TTLL4: variants seen among roughly 807,000 people sequenced by gnomAD.
The protein encoded by TTLL4 is tubulin tyrosine ligase like 4.
Under a neutral mutation model 122.7 loss-of-function variants are expected in TTLL4, and 85 were observed. That is an observed-to-expected ratio of 0.69 (90% CI 0.58 to 0.83). The LOEUF (loss-of-function observed/expected upper bound fraction) is 0.83, where lower values mean the gene tolerates loss of function less well. TTLL4 is among the 40% of genes least tolerant of loss of function. The pLI, the probability that TTLL4 is intolerant of heterozygous loss-of-function variation, is 0.00. For missense variants in TTLL4, 1,363 were observed against 1,488.6 expected (o/e 0.92, Z 1.39); for synonymous variants, 553 against 563.0 (o/e 0.98, Z 0.25).
Position 218,747,153 on chromosome 2 carries a change from G to T in TTLL4, c.2125G>T (p.Ala709Ser), listed in dbSNP as rs952476922. 6.2e-7 allele frequency: 1 copy of T among 1,614,244 alleles called. No individual in the cohort carries two copies. ...CCAGGACGCCAAGCTCCTGCGCAAA[G>T]CGTGGGAGAGCAGCAGCCGCCAAAA... ...LPQDAKLLRK[A>S]WESSSRQKWI... Residue 709 changes from alanine to serine, a missense_variant, in exon 9 of 20, where the codon GCG becomes TCG. By Grantham distance (99) the Ala-to-Ser change is moderately conservative. This residue lies in a region of TTLL4 where 596 missense variants were observed against 655.8 expected (regional missense o/e 0.91). Transcript: ENST00000392102. The surrounding 1 kb of genome is among the most constrained non-coding windows in gnomAD (Gnocchi z 4.7).
intron 13 of TTLL4, 149 bp downstream of exon 13, chr2:218,749,083 A>G: frequency 1.6e-6 from 2 of 1,255,428 alleles, no homozygotes; most frequent in Non-Finnish European, 2.2e-6. Context: ...GTTAAGTTCT[A>G]ATGAACCTCA....
At position 218,737,615 on chromosome 2, in the gene TTLL4, A is replaced by G. The variant is rs1488725726; in HGVS notation, c.-62A>G. 1 of 1,507,248 alleles carries G rather than the reference A, an allele frequency of 6.6e-7. No homozygotes were observed. Among genetic ancestry groups the G allele is most frequent in the Admixed American group, 2.2e-5 (1 of 45,068 alleles). 93.4% of individuals were successfully genotyped at this position (1,507,248 alleles called of 1,614,324 possible). A position where few individuals can be genotyped will look rare whatever the true frequency, so the allele number is the denominator to read the frequency against. On this transcript the variant is annotated 5_prime_UTR_variant, in exon 3 of 20. Coordinates refer to ENST00000392102, the MANE Select transcript of TTLL4 (RefSeq NM_014640.5). ...TCAAGGATGCAGCTGCTACTACCGG[A>G]GGTGTGTGGCACCTTACCTCAGCAA...
At chr2:218,718,100 C>G (rs779736360) in intron 1 of TTLL4, among the ~76,000 whole-genome samples, 4 of 152,162 alleles carry the variant, frequency 2.6e-5, no homozygotes, top group Non-Finnish European at 4.4e-5. Context: ...TCTAACATAA[C>G]TGTTGAGCAG....
chr2:218,715,173 C>T (rs1457178536), intron 1 of TTLL4, among the ~76,000 whole-genome samples: 1 of 152,140 alleles, frequency 6.6e-6, no homozygotes, highest in Admixed American at 6.5e-5. Context: ...TAATAGAAGA[C>T]AGCTGGATTT....
In TTLL4 at chr2:218,739,034, G is replaced by T. The variant is rs1942624659; in HGVS notation, c.1358G>T (p.Gly453Val). The stretch of plus-strand genomic sequence containing the variant: ...GCATTTGGAGAAGGCAAAGCTCCAG[G>T]TCCCCCTTTTCCTCAAACTCTTGGC... The part of the protein sequence containing the change: ...SSAFGEGKAP[G>V]PPFPQTLGIA... Residue 453 changes from glycine to valine, a missense_variant, in exon 3 of 20, where the codon GGT becomes GTT. By Grantham distance (109) the Gly-to-Val change is moderately radical (BLOSUM62 -3). Around this residue, in one of 3 missense-constraint regions of TTLL4, gnomAD observed 760 missense variants for 808.4 expected, o/e 0.94. Coordinates refer to ENST00000392102, the MANE Select transcript of TTLL4 (RefSeq NM_014640.5). 6.2e-7 allele frequency: 1 copy of T among 1,614,010 alleles called. No individual in the cohort carries two copies. Among genetic ancestry groups the T allele is most frequent in the African/African-American group, 1.3e-5 (1 of 74,890 alleles).
rs1224199255 is a variant in TTLL4 at position 218,747,476 on chromosome 2, CCT to C, written c.2249+105_2249+106del. 1.3e-6 allele frequency: 2 copies of C among 1,567,560 alleles called. No homozygotes were observed. The highest frequency in any genetic ancestry group is 2.7e-5 in the African/African-American group (2 of 73,410). ...CTTTGTTCTCCCAGCCAAAGAGCTT[CCT>C]TAGCCAACTGTTCTAAGGTCTTTAT... On this transcript the variant is annotated intron_variant, in intron 10 of 19. Transcript: ENST00000392102. This position sits in a 1 kb window ranked among gnomAD's most constrained non-coding sequence, Gnocchi z 4.7.
At chr2:218,751,470 C>T in intron 15 of TTLL4, 1 of 324,686 alleles carries the variant, frequency 3.1e-6, no homozygotes, top group Non-Finnish European at 4.4e-6. Context: ...TATTTTTTAT[C>T]ATTCAAATTC....
At chr2:218,755,587 G>A (rs897983895), downstream of TTLL4, among the ~76,000 whole-genome samples, 1 of 152,114 alleles carries the variant, frequency 6.6e-6, no homozygotes, top group Non-Finnish European at 1.5e-5. Context: ...TCCTAACCCT[G>A]CACTTAGTGG....
intron 19 of TTLL4, 27 bp downstream of exon 19, chr2:218,753,696 G>T: frequency 6.2e-7 from 1 of 1,611,362 alleles, no homozygotes; most frequent in Non-Finnish European, 8.5e-7. Context: ...CAAGGGAGGG[G>T]CTGCTGGCTG....
At chr2:218,729,748 T>TAAAAAA (rs771622464) in intron 2 of TTLL4, among the ~76,000 whole-genome samples, 935 of 78,458 alleles carry the variant, frequency 0.012, 14 homozygotes, top group Non-Finnish European at 0.016. Flanking sequence ...TCTCTCTTTT[T>TAAAAAA]AAAAAAAAAA....
At chr2:218,749,808 T>G (rs1162791832) in intron 14 of TTLL4, among the ~76,000 whole-genome samples, 1 of 152,152 alleles carries the variant, frequency 6.6e-6, no homozygotes, top group Admixed American at 6.5e-5. Flanking sequence ...TGCTTTCCTT[T>G]AGCAGATCAA....
chr2:218,729,755 AAAAAAAAC>A (rs1301479312), intron 2 of TTLL4, among the ~76,000 whole-genome samples: 23 of 104,154 alleles, frequency 2.2e-4, no homozygotes, highest in African/African-American at 7.4e-4. Flanking sequence ...TTTTAAAAAA[AAAAAAAAC>A]AAAAAAAAAA....
chr2:218,751,176 T>C (rs1943004649), intron 15 of TTLL4, among the ~76,000 whole-genome samples: 1 of 150,048 alleles, frequency 6.7e-6, no homozygotes, highest in Non-Finnish European at 1.5e-5. Flanking sequence ...CTCTGTCCAG[T>C]GGTTGTCATT....
At chr2:218,746,288 G>A in intron 8 of TTLL4, 57 bp downstream of exon 8, 2 of 1,591,686 alleles carry the variant, frequency 1.3e-6, no homozygotes, top group Non-Finnish European at 8.6e-7. Context: ...CCAAGAGGAG[G>A]GGGATGATGT....
At chr2:218,743,313 T>C (rs1307319571) in intron 5 of TTLL4, among the ~76,000 whole-genome samples, 2 of 152,230 alleles carry the variant, frequency 1.3e-5, no homozygotes, top group East Asian at 1.9e-4. Context: ...CCTTTTGACA[T>C]TGACGTTTTT....
At chr2:218,745,663 A>AT in intron 6 of TTLL4, 28 bp from the exon 7 acceptor site, 1 of 1,408,120 alleles carries the variant, frequency 7.1e-7, no homozygotes, top group Non-Finnish European at 9.8e-7. Flanking sequence ...TCCATCCCCC[A>AT]TCCCCACACC....
At chr2:218,729,748 TAAAA>T in intron 2 of TTLL4, among the ~76,000 whole-genome samples, 1 of 78,726 alleles carries the variant, frequency 1.3e-5, no homozygotes, top group East Asian at 2.7e-4. Flanking sequence ...TCTCTCTTTT[TAAAA>T]AAAAAAAAAA....
intron 1 of TTLL4, among the ~76,000 whole-genome samples, chr2:218,713,430 A>C (rs1416923658): frequency 3.9e-5 from 6 of 152,008 alleles, no homozygotes; most frequent in Admixed American, 3.3e-4. Flanking sequence ...GGCATGCGCC[A>C]CCCATCTGGC....
Position 218,747,893 on chromosome 2 carries a change from T to C in TTLL4, c.2378+168T>C. 2 of 1,173,002 alleles carry C rather than the reference T, an allele frequency of 1.7e-6. No homozygotes were observed. Among genetic ancestry groups the C allele is most frequent in the Non-Finnish European group, 2.4e-6 (2 of 837,654 alleles). 72.7% of individuals were successfully genotyped at this position (1,173,002 alleles called of 1,614,324 possible). A position where few individuals can be genotyped will look rare whatever the true frequency, so the allele number is the denominator to read the frequency against. On this transcript the variant is annotated intron_variant, in intron 11 of 19. Transcript: ENST00000392102. The surrounding 1 kb of genome is among the most constrained non-coding windows in gnomAD (Gnocchi z 4.7). ...TACTTCGTTAAATCTGGGGAGGGTC[T>C]TCCTGCATGCGGGACTGAGGTGGGA...
Sources: allele counts gnomAD v4.1 joint callset (sites outside exome capture counted in the v4.1 genomes callset), GRCh38; gene constraint gnomAD v4.1.1; regional missense constraint gnomAD v4.1.1; non-coding constraint Gnocchi (gnomAD v3.1); transcripts MANE v1.5; gene names NCBI Gene and HGNC (gene_info 2026-07-23, HGNC 2026-07-21).